Variants in GIPC2 observed in about 807,000 individuals in gnomAD.
GIPC2 encodes GIPC PDZ domain containing family member 2.
In GIPC2, 30 loss-of-function variants were observed where a neutral mutation model predicts 30.6. That is an observed-to-expected ratio of 0.98 (90% CI 0.73 to 1.33). The LOEUF (loss-of-function observed/expected upper bound fraction) is 1.33, where lower values mean the gene tolerates loss of function less well. Ranked by LOEUF, GIPC2 falls within the 40% of genes most tolerant of loss-of-function variation. The pLI is 0.00. For synonymous variants in GIPC2, 167 were observed against 150.0 expected, an observed-to-expected ratio of 1.11 and a Z score of -0.83; for missense variants, 414 against 390.3, an observed-to-expected ratio of 1.06 and a Z score of -0.51.
intron 1 of GIPC2, among the ~76,000 whole-genome samples, chr1:78,048,603 C>A (rs1314111360): frequency 1.3e-5 from 2 of 151,694 alleles, no homozygotes; most frequent in African/African-American, 4.8e-5. Context: ...ATTAAAAAAA[C>A]TTTTTTTTAG....
At chr1:78,115,107 C>T (rs906185258) in intron 3 of GIPC2, among the ~76,000 whole-genome samples, 2 of 152,160 alleles carry the variant, frequency 1.3e-5, no homozygotes, top group African/African-American at 4.8e-5. Context: ...ATGATACAAC[C>T]TTTATGAAGC....
intron 2 of GIPC2, among the ~76,000 whole-genome samples, chr1:78,082,483 A>G (rs1386353491): frequency 6.6e-6 from 1 of 152,178 alleles, no homozygotes; most frequent in Non-Finnish European, 1.5e-5. Flanking sequence ...CCAAATGGAA[A>G]ATCTGTGACT....
chr1:78,080,946 T>G (rs1019046259), intron 2 of GIPC2, 86 bp downstream of exon 2: 1 of 701,974 alleles, frequency 1.4e-6, no homozygotes, highest in African/African-American at 1.8e-5. Flanking sequence ...GAAATGATCT[T>G]CAGAGTGAGA....
intron 1 of GIPC2, among the ~76,000 whole-genome samples, chr1:78,055,593 T>A (rs1049209093): frequency 2.6e-5 from 4 of 152,206 alleles, no homozygotes; most frequent in Admixed American, 2.6e-4. Context: ...CTCTTGACTT[T>A]GCTCCTCCCA....
chr1:78,134,797 A>G (rs1199624643), intron 5 of GIPC2, among the ~76,000 whole-genome samples: 2 of 152,038 alleles, frequency 1.3e-5, no homozygotes, highest in African/African-American at 4.8e-5. Flanking sequence ...TCCCTTTCAC[A>G]TGGAGGTTTT....
intron 1 of GIPC2, among the ~76,000 whole-genome samples, chr1:78,057,899 A>G (rs900261207): frequency 6.6e-6 from 1 of 152,188 alleles, no homozygotes; most frequent in Non-Finnish European, 1.5e-5. Flanking sequence ...TGCAATAGAC[A>G]TTGTTGGGTT....
intron 2 of GIPC2, chr1:78,094,736 C>T: frequency 2.7e-6 from 1 of 374,990 alleles, no homozygotes; most frequent in Non-Finnish European, 4.9e-6. Context: ...CATCAGACTG[C>T]ATTGTTATGT....
intron 1 of GIPC2, among the ~76,000 whole-genome samples, chr1:78,059,378 C>G (rs1399903056): frequency 6.6e-6 from 1 of 152,184 alleles, no homozygotes. Flanking sequence ...ACAATGATGA[C>G]TATGACAGTG....
chr1:78,106,796 T>G (rs1662361675), intron 3 of GIPC2, among the ~76,000 whole-genome samples: 1 of 152,098 alleles, frequency 6.6e-6, no homozygotes, highest in Non-Finnish European at 1.5e-5. Context: ...TTCTCCTGCT[T>G]CAGCCTCCCA....
intron 3 of GIPC2, 126 bp from the exon 4 acceptor site, chr1:78,119,267 C>T: frequency 1.7e-6 from 1 of 575,516 alleles, no homozygotes. Context: ...ATAAGAAGGC[C>T]TACGTTTTAT....
At chr1:78,053,742 T>A (rs1054583406) in intron 1 of GIPC2, among the ~76,000 whole-genome samples, 2 of 87,622 alleles carry the variant, frequency 2.3e-5, no homozygotes, top group Admixed American at 1.4e-4. Flanking sequence ...GTACCCTGCC[T>A]CTTAAAAAAA....
chr1:78,092,342 C>T (rs1448490906), intron 2 of GIPC2, among the ~76,000 whole-genome samples: 4 of 152,126 alleles, frequency 2.6e-5, no homozygotes, highest in East Asian at 3.8e-4. Context: ...TTGGAAACCT[C>T]TATGTTTAAT....
intron 4 of GIPC2, 110 bp downstream of exon 4, chr1:78,119,609 T>C: frequency 1.5e-6 from 1 of 653,594 alleles, no homozygotes; most frequent in Non-Finnish European, 2.7e-6. Context: ...ATTTAAACAA[T>C]CTGGAAATTA....
At chr1:78,065,380 A>G (rs546891206) in intron 1 of GIPC2, among the ~76,000 whole-genome samples, 7 of 152,298 alleles carry the variant, frequency 4.6e-5, no homozygotes, top group South Asian at 2.1e-4. Context: ...CTCTACAAGG[A>G]GAACTATGGA....
At chr1:78,125,388 C>T (rs1662764304) in intron 4 of GIPC2, among the ~76,000 whole-genome samples, 1 of 152,024 alleles carries the variant, frequency 6.6e-6, no homozygotes, top group Non-Finnish European at 1.5e-5. Context: ...TGGAGTCTCA[C>T]CATGTTGCCT....
intron 3 of GIPC2, among the ~76,000 whole-genome samples, chr1:78,108,414 T>A (rs999744200): frequency 6.6e-6 from 1 of 152,236 alleles, no homozygotes; most frequent in Non-Finnish European, 1.5e-5. Context: ...ATTGCACTTC[T>A]GATATGCATC....
intron 2 of GIPC2, among the ~76,000 whole-genome samples, chr1:78,091,294 C>T (rs1405220258): frequency 1.3e-5 from 2 of 152,104 alleles, no homozygotes; most frequent in African/African-American, 4.8e-5. Context: ...TTATTATGGG[C>T]GAGGTTTGAG....
chr1:78,057,772 C>T (rs1226016475), intron 1 of GIPC2, among the ~76,000 whole-genome samples: 2 of 152,138 alleles, frequency 1.3e-5, no homozygotes, highest in Admixed American at 1.3e-4. Context: ...CCAGTCACTG[C>T]CCCAAATGTT....
At chr1:78,086,999 G>A (rs1297045083) in intron 2 of GIPC2, among the ~76,000 whole-genome samples, 1 of 152,116 alleles carries the variant, frequency 6.6e-6, no homozygotes, top group African/African-American at 2.4e-5. Flanking sequence ...TGGTTATTAT[G>A]TTGGCTTGTT....
Sources: gnomAD v4.1 joint callset for allele counts (sites outside exome capture counted in the v4.1 genomes callset) on GRCh38, gnomAD v4.1.1 for gene constraint, MANE v1.5 for transcripts, NCBI Gene and HGNC (gene_info 2026-07-23, HGNC 2026-07-21) for gene names.